Variants in NOX4 observed in about 807,000 individuals in gnomAD.
NOX4 encodes NADPH oxidase 4, also known as kidney oxidase-1.
NOX4 carries 69 observed loss-of-function variants against 87.6 expected under a neutral mutation model. The observed-to-expected ratio is 0.79, with a 90% CI of 0.65 to 0.96. The LOEUF is 0.96. Ranked by LOEUF, NOX4 falls within the 40% of genes least tolerant of loss-of-function variation. The probability of loss-of-function intolerance (pLI) is 0.00; values close to 1 mark genes in which losing one functional copy is unlikely to be tolerated. For synonymous variants in NOX4, 275 were observed against 238.2 expected (o/e 1.15, Z -1.42); for missense variants, 680 against 681.5 (o/e 1.00, Z 0.02).
At chr11:89,566,418 G>C in the NOX4 span, among the ~76,000 whole-genome samples, 3 of 152,032 alleles carry the variant, frequency 2.0e-5, no homozygotes, top group African/African-American at 7.2e-5. Context: ...AAAATAAATT[G>C]AAAATATTTC....
At chr11:89,480,286 C>CT (rs1946339620) in intron 2 of NOX4, among the ~76,000 whole-genome samples, 1 of 152,088 alleles carries the variant, frequency 6.6e-6, no homozygotes, top group Non-Finnish European at 1.5e-5. Flanking sequence ...TTTCTTCAAA[C>CT]TTTCCTTAAT....
At chr11:89,426,850 T>G (rs1320232801) in intron 7 of NOX4, among the ~76,000 whole-genome samples, 2 of 152,138 alleles carry the variant, frequency 1.3e-5, no homozygotes, top group Non-Finnish European at 2.9e-5. Context: ...TAAATATCCC[T>G]GTCTGACAGC....
At chr11:89,541,852 C>G in the NOX4 span, among the ~76,000 whole-genome samples, 1 of 152,182 alleles carries the variant, frequency 6.6e-6, no homozygotes, top group Admixed American at 6.5e-5. Context: ...TAAGTTCTCA[C>G]TATGTCACCC....
At chr11:89,482,307 A>C (rs148769745) in intron 2 of NOX4, among the ~76,000 whole-genome samples, 280 of 152,242 alleles carry the variant, frequency 1.8e-3, no homozygotes, top group African/African-American at 6.6e-3. Context: ...CTCAAAATGC[A>C]TGCTTAGCTT....
intron 13 of NOX4, among the ~76,000 whole-genome samples, chr11:89,346,533 A>G (rs1946222788): frequency 6.8e-6 from 1 of 147,644 alleles, no homozygotes; most frequent in Admixed American, 6.7e-5. Flanking sequence ...AAAGAGTCTG[A>G]AAAGATGTAT....
At chr11:89,478,087 G>C (rs1946241010) in intron 2 of NOX4, among the ~76,000 whole-genome samples, 1 of 151,946 alleles carries the variant, frequency 6.6e-6, no homozygotes, top group Non-Finnish European at 1.5e-5. Context: ...TCATAAATTT[G>C]TCTACTATAA....
At chr11:89,407,814 A>G (rs138053740) in intron 8 of NOX4, among the ~76,000 whole-genome samples, 2,791 of 149,996 alleles carry the variant, frequency 0.019, 37 homozygotes, top group Non-Finnish European at 0.027. Flanking sequence ...CACACCTGAC[A>G]AAAGGACAAT....
At chr11:89,416,588 G>A (rs1942788583) in intron 8 of NOX4, among the ~76,000 whole-genome samples, 2 of 152,058 alleles carry the variant, frequency 1.3e-5, no homozygotes, top group African/African-American at 2.4e-5. Flanking sequence ...ACAATAAGCC[G>A]ACCCCCACAA....
At chr11:89,558,700 G>C in the NOX4 span, among the ~76,000 whole-genome samples, 2 of 152,172 alleles carry the variant, frequency 1.3e-5, no homozygotes, top group African/African-American at 4.8e-5. Flanking sequence ...GTCACCCAAG[G>C]ATTCGTTGGC....
At chr11:89,559,879 A>C in the NOX4 span, among the ~76,000 whole-genome samples, 1 of 152,104 alleles carries the variant, frequency 6.6e-6, no homozygotes, top group African/African-American at 2.4e-5. Context: ...AATTGAGAAA[A>C]AGCTTGATAC....
At chr11:89,474,432 A>G (rs1282684085) in intron 2 of NOX4, among the ~76,000 whole-genome samples, 2 of 147,670 alleles carry the variant, frequency 1.4e-5, no homozygotes, top group Admixed American at 1.4e-4. Context: ...CTACAAGGAT[A>G]TTCACTGCCG....
intron 12 of NOX4, among the ~76,000 whole-genome samples, chr11:89,366,186 C>A (rs1271113263): frequency 2.0e-5 from 3 of 151,854 alleles, no homozygotes; most frequent in Non-Finnish European, 4.4e-5. Context: ...CCAAGAAAAT[C>A]CCTCATAATT....
chr11:89,492,663 G>A (rs76882495), upstream of NOX4, among the ~76,000 whole-genome samples: 1 of 152,108 alleles, frequency 6.6e-6, no homozygotes, highest in African/African-American at 2.4e-5. Context: ...TGAAGTTAGA[G>A]AGCATATTGT....
chr11:89,473,917 T>A (rs1946055869), intron 2 of NOX4, among the ~76,000 whole-genome samples: 1 of 152,160 alleles, frequency 6.6e-6, no homozygotes, highest in South Asian at 2.1e-4. Context: ...ACACAGTAGG[T>A]ACTCAGTTAA....
At chr11:89,562,413 T>C in the NOX4 span, among the ~76,000 whole-genome samples, 8 of 152,160 alleles carry the variant, frequency 5.3e-5, no homozygotes, top group African/African-American at 1.9e-4. Context: ...TCTCTGCCCC[T>C]TCTTCTCCTC....
At chr11:89,456,906 G>C (rs1352138103) in intron 2 of NOX4, among the ~76,000 whole-genome samples, 1 of 152,156 alleles carries the variant, frequency 6.6e-6, no homozygotes, top group Non-Finnish European at 1.5e-5. Flanking sequence ...GAACATGGTG[G>C]TGTTGCAAAT....
chr11:89,491,324 G>GTT lies in NOX4; in HGVS notation c.-80_-79dup. The GTT allele has an allele frequency of 7.5e-7, 1 of 1,342,214 alleles. No individual in the cohort carries two copies. The highest frequency in any genetic ancestry group is 1.0e-6 in the Non-Finnish European group (1 of 978,096). 83.1% of individuals were successfully genotyped at this position (1,342,214 alleles called of 1,614,324 possible). On this transcript the variant is annotated 5_prime_UTR_variant, in exon 1 of 18. Transcript: ENST00000263317. Reference sequence around the variant, plus strand: ...GGCGGCGGCCGGGGCAGCGGTTACAGTTGTGCGGCCTGCCGGGCCGCTGAG... The same window carrying GTT: ...GGCGGCGGCCGGGGCAGCGGTTACAGTTTTGTGCGGCCTGCCGGGCCGCTGAG...
intron 2 of NOX4, among the ~76,000 whole-genome samples, chr11:89,452,531 T>C (rs1591293853): frequency 6.6e-6 from 1 of 152,104 alleles, no homozygotes; most frequent in East Asian, 1.9e-4. Context: ...TCTAACCTCC[T>C]TTCTAATGTT....
upstream of NOX4, among the ~76,000 whole-genome samples, chr11:89,500,459 CTCT>C (rs1947005068): frequency 6.6e-6 from 1 of 152,150 alleles, no homozygotes; most frequent in Non-Finnish European, 1.5e-5. Flanking sequence ...CATCATTCTG[CTCT>C]TCTTTCATTT....
Sources: allele counts gnomAD v4.1 joint callset (sites outside exome capture counted in the v4.1 genomes callset), GRCh38; gene constraint gnomAD v4.1.1; transcripts MANE v1.5; gene names NCBI Gene and HGNC (gene_info 2026-07-23, HGNC 2026-07-21).